The following SMAP1 variants were observed in gnomAD, a reference collection of about 807,000 sequenced individuals.
SMAP1 encodes the protein stromal membrane-associated protein 1.
A neutral mutation model predicts 58.5 loss-of-function variants in SMAP1; 24 were observed. The observed-to-expected ratio is 0.41, with a 90% confidence interval of 0.30 to 0.58. The LOEUF is 0.58. Among genes scored for constraint, SMAP1 ranks in the 20% least tolerant of loss-of-function variants. The pLI, the probability that SMAP1 is intolerant of heterozygous loss-of-function variation, is 0.29. For synonymous variants in SMAP1, 216 were observed against 196.6 expected, an observed-to-expected ratio of 1.10 and a Z score of -0.82; for missense variants, 563 against 566.3, an observed-to-expected ratio of 0.99 and a Z score of 0.06.
chr6:70,727,442 A>G (rs1224962060), intron 1 of SMAP1, among the ~76,000 whole-genome samples: 2 of 152,176 alleles, frequency 1.3e-5, no homozygotes. Context: ...CACTGTCTCT[A>G]CAAAGCCTCC....
chr6:70,733,768 CGACCGAAGTATCCTGCTTTTTTA>C (rs571665780), intron 2 of SMAP1, among the ~76,000 whole-genome samples: 18 of 152,266 alleles, frequency 1.2e-4, no homozygotes, highest in African/African-American at 4.1e-4. Context: ...AAAGCATTCA[CGACCGAAGTATCCTGCTTTTTTA>C]ATGGCTTATT....
rs1767629127 is a variant in SMAP1 at position 70,778,396 on chromosome 6, T to C, written c.414+4971T>C. ...GAGGTATGTTCCTTTATGCCTAATT[T>C]GTTGAGAATGTTTATCATGAAGAGA... On this transcript the variant is annotated intron_variant, in intron 4 of 10. Coordinates refer to ENST00000370455, the MANE Select transcript of SMAP1 (RefSeq NM_001044305.3). 6.6e-5 allele frequency among the ~76,000 whole-genome samples: 10 copies of C among 152,366 alleles called. No individual in the cohort carries two copies. In the South Asian group the frequency reaches 2.1e-3, roughly 32 times the overall value.
rs9446293 is a variant in SMAP1 at position 70,745,522 on chromosome 6, C to A, written c.253-9458C>A. Reference sequence around the variant, plus strand: ...TATTTCTGAGGCTTCTGTTCTGTTCCATTGGTCTATCTCTCTGTTTTGGTA... The same window carrying A: ...TATTTCTGAGGCTTCTGTTCTGTTCAATTGGTCTATCTCTCTGTTTTGGTA... On this transcript the variant is annotated intron_variant, in intron 2 of 10. Coordinates refer to ENST00000370455, the MANE Select transcript of SMAP1 (RefSeq NM_001044305.3). 6.3e-3 allele frequency among the ~76,000 whole-genome samples: 958 copies of A among 152,226 alleles called. 6 individuals carry two copies. Among genetic ancestry groups the A allele is most frequent in the African/African-American group, 0.022 (916 of 41,534 alleles).
intron 1 of SMAP1, among the ~76,000 whole-genome samples, chr6:70,683,225 C>T (rs1766798646): frequency 7.1e-6 from 1 of 140,270 alleles, no homozygotes; most frequent in Non-Finnish European, 1.5e-5. Context: ...GGCTGGAGTG[C>T]AGTGGCACAG....
chr6:70,796,168 A>AT, intron 5 of SMAP1, among the ~76,000 whole-genome samples: 1 of 152,226 alleles, frequency 6.6e-6, no homozygotes, highest in East Asian at 1.9e-4. Context: ...AAATGGGGAT[A>AT]ATATTACTAA....
rs558566073 is a variant in SMAP1 at position 70,683,242 on chromosome 6, C to T, written c.118+15101C>T. On this transcript the variant is annotated intron_variant, in intron 1 of 10. Coordinates refer to ENST00000370455, the MANE Select transcript of SMAP1 (RefSeq NM_001044305.3). ...CTGGAGTGCAGTGGCACAGTCTCAG[C>T]TCATTGCAACCTCCGCCTCCCGTGT... Among the ~76,000 whole-genome samples, 51 of 146,902 alleles carry T rather than the reference C, an allele frequency of 3.5e-4. No homozygotes were observed. In the East Asian group the frequency reaches 9.7e-3, roughly 28 times the overall value.
At chr6:70,759,675 A>G (rs1766666210) in intron 3 of SMAP1, among the ~76,000 whole-genome samples, 2 of 152,104 alleles carry the variant, frequency 1.3e-5, no homozygotes, top group South Asian at 4.1e-4. Flanking sequence ...TTAGAGAGCT[A>G]AAGTGCTAAT....
intron 1 of SMAP1, among the ~76,000 whole-genome samples, chr6:70,671,509 C>T (rs372476359): frequency 7.9e-5 from 12 of 152,046 alleles, no homozygotes; most frequent in African/African-American, 2.2e-4. Flanking sequence ...GGCGGAGAGG[C>T]GGAGGTTGCA....
chr6:70,697,289 G>T (rs1209314636), intron 1 of SMAP1, among the ~76,000 whole-genome samples: 2 of 150,916 alleles, frequency 1.3e-5, no homozygotes, highest in Non-Finnish European at 2.9e-5. Flanking sequence ...GTTGTTTTGT[G>T]GTCTTCTCTT....
At chr6:70,702,481 C>T (rs950669277) in intron 1 of SMAP1, among the ~76,000 whole-genome samples, 25 of 152,070 alleles carry the variant, frequency 1.6e-4, no homozygotes, top group African/African-American at 5.8e-4. Context: ...TTGATTGTCT[C>T]ATCTCTTAAT....
chr6:70,668,467 CCGGGCACGGGT>C, intron 1 of SMAP1: 1 of 1,419,478 alleles, frequency 7.0e-7, no homozygotes, highest in Non-Finnish European at 9.2e-7. Flanking sequence ...GAGCGCGGAA[CCGGGCACGGGT>C]CTGGGCAGAG....
intron 1 of SMAP1, among the ~76,000 whole-genome samples, chr6:70,673,095 A>G (rs1370993275): frequency 2.0e-5 from 3 of 152,188 alleles, no homozygotes; most frequent in East Asian, 1.9e-4. Context: ...AAGTCAGGGT[A>G]TAGAGCAGGA....
At chr6:70,777,728 G>T (rs1028081172) in intron 4 of SMAP1, among the ~76,000 whole-genome samples, 1 of 150,794 alleles carries the variant, frequency 6.6e-6, no homozygotes, top group Non-Finnish European at 1.5e-5. Flanking sequence ...TTATAGTTTT[G>T]GGTCTCCTAT....
chr6:70,710,309 G>A (rs1405067880), intron 1 of SMAP1, among the ~76,000 whole-genome samples: 1 of 151,876 alleles, frequency 6.6e-6, no homozygotes, highest in Non-Finnish European at 1.5e-5. Flanking sequence ...TGGCCAACAT[G>A]GTGAAACCCC....
intron 4 of SMAP1, among the ~76,000 whole-genome samples, chr6:70,776,749 C>A (rs1214056036): frequency 6.6e-6 from 1 of 152,090 alleles, no homozygotes; most frequent in Admixed American, 6.6e-5. Context: ...GGCATTTATC[C>A]TTCTGTGCCT....
chr6:70,810,925 T>C (rs1769359691), intron 6 of SMAP1, among the ~76,000 whole-genome samples: 1 of 152,172 alleles, frequency 6.6e-6, no homozygotes, highest in South Asian at 2.1e-4. Context: ...TACCTTCCAC[T>C]GAGCACAGTA....
chr6:70,680,419 A>G lies in SMAP1; in HGVS notation c.118+12278A>G, dbSNP rs751042381. Among the ~76,000 whole-genome samples, 16 of 152,324 alleles carry G rather than the reference A, an allele frequency of 1.1e-4. No homozygotes were observed. The South Asian group carries it at 1.4e-3, about 14-fold the overall frequency. On this transcript the variant is annotated intron_variant, in intron 1 of 10. Transcript: ENST00000370455. ...GGCTGGGAAAAATATTTTATCTGGT[A>G]AGGACCTTTATTCAGAATATCTAAA...
chr6:70,767,748 C>G (rs376277235), intron 3 of SMAP1, among the ~76,000 whole-genome samples: 48 of 141,134 alleles, frequency 3.4e-4, no homozygotes, highest in Admixed American at 5.9e-4. Flanking sequence ...TTATTTCCTT[C>G]TCCTGCCTAA....
chr6:70,686,840 G>GA (rs1410330955), intron 1 of SMAP1, among the ~76,000 whole-genome samples: 1 of 152,080 alleles, frequency 6.6e-6, no homozygotes, highest in Non-Finnish European at 1.5e-5. Context: ...CTAAACTTGG[G>GA]AAAAAATACC....
Sources: allele counts gnomAD v4.1 joint callset (sites outside exome capture counted in the v4.1 genomes callset), GRCh38; gene constraint gnomAD v4.1.1; transcripts MANE v1.5; gene names NCBI Gene and HGNC (gene_info 2026-07-23, HGNC 2026-07-21).